FSD1L: variants seen among roughly 807,000 people sequenced by gnomAD.
FSD1L encodes fibronectin type III and SPRY domain containing 1 like, also known as FSD1-like protein.
FSD1L carries 45 observed loss-of-function variants against 71.6 expected under a neutral mutation model. That is an observed-to-expected ratio of 0.63 (90% CI 0.49 to 0.81). The LOEUF (loss-of-function observed/expected upper bound fraction) is 0.81, where lower values mean the gene tolerates loss of function less well. FSD1L is among the 30% of genes least tolerant of loss of function. The pLI is 0.00. For missense variants in FSD1L, 561 were observed against 618.1 expected, an observed-to-expected ratio of 0.91 and a Z score of 0.98; for synonymous variants, 197 against 207.2, an observed-to-expected ratio of 0.95 and a Z score of 0.42.
At position 105,522,915 on chromosome 9, in the gene FSD1L, G is replaced by A. The variant is rs573249179; in HGVS notation, c.1025+9979G>A. The A allele has an allele frequency of 2.5e-6, 4 of 1,611,814 alleles. No homozygotes were observed. The South Asian group carries it at 4.4e-5, about 18-fold the overall frequency. On this transcript the variant is annotated intron_variant, in intron 10 of 13. Transcript: ENST00000481272. Reference sequence around the variant, plus strand: ...CCAGATGCGCCCTATTGATGACCCAGGTGTGCCCTCAGAATGGACTTCTCC... The same window carrying A: ...CCAGATGCGCCCTATTGATGACCCAAGTGTGCCCTCAGAATGGACTTCTCC...
rs527802466 is a variant in FSD1L, at chr9:105,530,323, A to C, written c.1026-4170A>C. ...GTGAGGGAGGGGATGGGAGGAGATC[A>C]TGCTTGACATAAAACTTATTATAAG... On this transcript the variant is annotated intron_variant, in intron 10 of 13. Coordinates refer to ENST00000481272, the MANE Select transcript of FSD1L (RefSeq NM_001145313.3). Among the ~76,000 whole-genome samples the C allele has an allele frequency of 1.4e-4, 22 of 152,284 alleles. No homozygotes were observed. In the South Asian group the frequency reaches 4.3e-3, roughly 30 times the overall value.
chr9:105,494,615 T>TC (rs1833218229), intron 7 of FSD1L, among the ~76,000 whole-genome samples: 1 of 152,234 alleles, frequency 6.6e-6, no homozygotes. Flanking sequence ...TTCTGTTTTT[T>TC]CCCCATCTTT....
intron 6 of FSD1L, among the ~76,000 whole-genome samples, chr9:105,482,307 G>A (rs1008838858): frequency 7.2e-5 from 11 of 152,052 alleles, no homozygotes; most frequent in African/African-American, 2.4e-4. Flanking sequence ...GTACTTCTGG[G>A]GACTTAATAA....
chr9:105,529,770 A>G (rs1438463342), intron 10 of FSD1L, among the ~76,000 whole-genome samples: 1 of 152,038 alleles, frequency 6.6e-6, no homozygotes, highest in Non-Finnish European at 1.5e-5. Flanking sequence ...AAGTATAATA[A>G]TATTAAAAAA....
chr9:105,487,465 T>G (rs1339331193), intron 7 of FSD1L, among the ~76,000 whole-genome samples: 2 of 152,050 alleles, frequency 1.3e-5, no homozygotes, highest in Admixed American at 6.6e-5. Context: ...AAATGTGTTA[T>G]GATTGTTTTA....
At chr9:105,469,160 T>C (rs1478198409) in intron 4 of FSD1L, among the ~76,000 whole-genome samples, 1 of 152,230 alleles carries the variant, frequency 6.6e-6, no homozygotes, top group Non-Finnish European at 1.5e-5. Context: ...CTTTATCCAT[T>C]TATATGTCTA....
At chr9:105,531,356 A>G (rs1482514668) in intron 10 of FSD1L, among the ~76,000 whole-genome samples, 2 of 152,072 alleles carry the variant, frequency 1.3e-5, no homozygotes, top group Non-Finnish European at 2.9e-5. Context: ...CTCTCCTTTC[A>G]TTTCATTCTT....
At chr9:105,513,765 G>A in intron 10 of FSD1L, 1 of 592,348 alleles carries the variant, frequency 1.7e-6, no homozygotes, top group Non-Finnish European at 2.9e-6. Context: ...ATACTGCTCT[G>A]TGTAGACTGT....
intron 5 of FSD1L, 192 bp downstream of exon 5, chr9:105,472,197 C>A: frequency 1.7e-6 from 1 of 587,198 alleles, no homozygotes; most frequent in Non-Finnish European, 2.6e-6. Flanking sequence ...TCTTTAGGGT[C>A]ATCAACAAAT....
intron 11 of FSD1L, 127 bp from the exon 12 acceptor site, chr9:105,534,937 ACAT>A: frequency 3.7e-6 from 3 of 817,184 alleles, no homozygotes; most frequent in Non-Finnish European, 5.9e-6. Context: ...CTGTGTGTTA[ACAT>A]GATTATTCTT....
At chr9:105,523,026 G>C in intron 10 of FSD1L, 1 of 1,614,086 alleles carries the variant, frequency 6.2e-7, no homozygotes, top group Non-Finnish European at 8.5e-7. Context: ...CCAAAAATTT[G>C]ACAATTTTGG....
At chr9:105,476,735 T>C (rs1452015404) in intron 5 of FSD1L, among the ~76,000 whole-genome samples, 1 of 152,218 alleles carries the variant, frequency 6.6e-6, no homozygotes, top group Non-Finnish European at 1.5e-5. Context: ...TAGTATTGTG[T>C]ATCTTTTGGA....
rs1835099446 is a variant in FSD1L at position 105,520,823 on chromosome 9, C to T, written c.1025+7887C>T. Reference sequence around the variant, plus strand: ...AAACTCAAGTCACTATAGAAGAAATCACTCCTCTTGTCCCCCCACAATCAG... The same window carrying T: ...AAACTCAAGTCACTATAGAAGAAATTACTCCTCTTGTCCCCCCACAATCAG... On this transcript the variant is annotated intron_variant, in intron 10 of 13. Transcript: ENST00000481272. 5 of 1,612,168 alleles carry T rather than the reference C, an allele frequency of 3.1e-6. No homozygotes were observed. In the East Asian group the frequency reaches 1.1e-4, roughly 36 times the overall value.
At chr9:105,453,711 G>A (rs1244678703) in intron 1 of FSD1L, among the ~76,000 whole-genome samples, 1 of 152,132 alleles carries the variant, frequency 6.6e-6, no homozygotes, top group African/African-American at 2.4e-5. Flanking sequence ...TAGAAAGATA[G>A]TGAAGCAGAC....
At chr9:105,489,946 A>G (rs1242405318) in intron 7 of FSD1L, among the ~76,000 whole-genome samples, 3 of 152,274 alleles carry the variant, frequency 2.0e-5, no homozygotes, top group Admixed American at 2.0e-4. Context: ...GCTATTGTGA[A>G]TAGTGCTGCA....
intron 13 of FSD1L, among the ~76,000 whole-genome samples, chr9:105,544,517 A>G (rs1192721271): frequency 1.3e-5 from 2 of 152,152 alleles, no homozygotes; most frequent in Non-Finnish European, 2.9e-5. Flanking sequence ...TATGTCCTGA[A>G]TGGTATTGCC....
At chr9:105,473,903 G>C (rs2131657950) in intron 5 of FSD1L, among the ~76,000 whole-genome samples, 1 of 152,252 alleles carries the variant, frequency 6.6e-6, no homozygotes, top group East Asian at 1.9e-4. Flanking sequence ...AAATTAGAAA[G>C]GTTCTGATAA....
At chr9:105,523,454 A>G (rs536471850) in intron 10 of FSD1L, 2 of 1,611,312 alleles carry the variant, frequency 1.2e-6, no homozygotes, top group South Asian at 2.2e-5. Flanking sequence ...TGTGGCGAAG[A>G]ATGCTAGGCA....
chr9:105,520,606 C>T, intron 10 of FSD1L: 2 of 1,554,332 alleles, frequency 1.3e-6, no homozygotes, highest in Non-Finnish European at 1.8e-6. Context: ...CTACTTCACA[C>T]AGGAGACTCC....
Sources: gnomAD v4.1 joint callset for allele counts (sites outside exome capture counted in the v4.1 genomes callset) on GRCh38, gnomAD v4.1.1 for gene constraint, MANE v1.5 for transcripts, NCBI Gene and HGNC (gene_info 2026-07-23, HGNC 2026-07-21) for gene names.